Variants in PAK5 observed in about 807,000 individuals in gnomAD.
The protein encoded by PAK5 is serine/threonine-protein kinase PAK 5.
A neutral mutation model predicts 65.9 loss-of-function variants in PAK5; 16 were observed. The observed-to-expected ratio is 0.24, with a 90% confidence interval of 0.16 to 0.37. The LOEUF (loss-of-function observed/expected upper bound fraction) is 0.37, where lower values mean the gene tolerates loss of function less well. Among genes scored for constraint, PAK5 ranks in the 10% least tolerant of loss-of-function variants. The pLI is 1.00. For synonymous variants in PAK5, 371 were observed against 354.9 expected (o/e 1.05, Z -0.51); for missense variants, 785 against 903.9 (o/e 0.87, Z 1.69).
chr20:9,682,032 T>C (rs1256328137), intron 2 of PAK5, among the ~76,000 whole-genome samples: 1 of 152,172 alleles, frequency 6.6e-6, no homozygotes, highest in Non-Finnish European at 1.5e-5. Context: ...TTTGACAATT[T>C]ATTTTGAAGC....
chr20:9,791,803 C>T (rs994120177), intron 1 of PAK5, among the ~76,000 whole-genome samples: 5 of 152,122 alleles, frequency 3.3e-5, no homozygotes, highest in African/African-American at 1.2e-4. Context: ...CTCATAGAGG[C>T]AACAGTCCCA....
chr20:9,593,879 A>C (rs73895917), intron 3 of PAK5, among the ~76,000 whole-genome samples: 7,130 of 151,706 alleles, frequency 0.047, 535 homozygotes, highest in African/African-American at 0.16. Context: ...AGATGTGTTC[A>C]CATTTAAAAT....
chr20:9,681,679 C>A (rs2047651951), intron 2 of PAK5, among the ~76,000 whole-genome samples: 1 of 152,150 alleles, frequency 6.6e-6, no homozygotes, highest in Admixed American at 6.5e-5. Context: ...TTCATACTAT[C>A]TTTTGTAATT....
intron 1 of PAK5, among the ~76,000 whole-genome samples, chr20:9,748,847 A>G (rs906258318): frequency 6.6e-6 from 1 of 152,110 alleles, no homozygotes; most frequent in Non-Finnish European, 1.5e-5. Context: ...TGAATGAGAA[A>G]CTTATTTAAT....
intron 1 of PAK5, among the ~76,000 whole-genome samples, chr20:9,714,884 A>G (rs2048123554): frequency 6.6e-6 from 1 of 152,196 alleles, no homozygotes; most frequent in South Asian, 2.1e-4. Context: ...CACCTTATAC[A>G]AAAATTAATT....
intron 3 of PAK5, among the ~76,000 whole-genome samples, chr20:9,631,147 T>C (rs575379196): frequency 3.9e-5 from 6 of 152,290 alleles, no homozygotes; most frequent in Non-Finnish European, 7.4e-5. Context: ...GGGAGTGACA[T>C]TGGGAACGAG....
chr20:9,582,638 C>G (rs1002390389), intron 3 of PAK5, among the ~76,000 whole-genome samples: 1 of 152,024 alleles, frequency 6.6e-6, no homozygotes, highest in Non-Finnish European at 1.5e-5. Context: ...GTAAGTGTAG[C>G]GTCTACTCAA....
At chr20:9,620,473 G>A (rs2046748377) in intron 3 of PAK5, among the ~76,000 whole-genome samples, 2 of 152,162 alleles carry the variant, frequency 1.3e-5, no homozygotes, top group Admixed American at 1.3e-4. Flanking sequence ...ATGGCGTCTG[G>A]GGCTGATGGG....
chr20:9,562,353 C>G (rs1259329105), intron 6 of PAK5, among the ~76,000 whole-genome samples: 1 of 152,204 alleles, frequency 6.6e-6, no homozygotes, highest in African/African-American at 2.4e-5. Context: ...AATGAAATGG[C>G]TGGAACTGGC....
intron 2 of PAK5, among the ~76,000 whole-genome samples, chr20:9,671,171 C>T (rs1338247555): frequency 1.3e-5 from 2 of 152,192 alleles, no homozygotes; most frequent in African/African-American, 4.8e-5. Flanking sequence ...GTTTGGGTTA[C>T]TGTAGCCTTG....
rs1001252638 is a variant in PAK5 at position 9,654,836 on chromosome 20, C to T, written c.-11-10497G>A. ...TCTCCCTCCCCTGCCTGTCTCCACCCTCTCATCTTGACCCTCACCCAAAGT... is the reference window on the plus strand; with the variant it reads ...TCTCCCTCCCCTGCCTGTCTCCACCTTCTCATCTTGACCCTCACCCAAAGT... On this transcript the variant is annotated intron_variant, in intron 2 of 9. Coordinates refer to ENST00000353224, the MANE Select transcript of PAK5 (RefSeq NM_177990.4). Among the ~76,000 whole-genome samples, 45 of 152,288 alleles carry T rather than the reference C, an allele frequency of 3.0e-4. 1 individual carries two copies.
intron 6 of PAK5, among the ~76,000 whole-genome samples, chr20:9,559,190 C>T (rs1020861539): frequency 1.2e-4 from 18 of 152,164 alleles, no homozygotes; most frequent in Non-Finnish European, 2.6e-4. Context: ...TCTTCCCTAT[C>T]CCATGTTAAA....
At chr20:9,663,311 G>A (rs192436089) in intron 2 of PAK5, among the ~76,000 whole-genome samples, 158 of 152,184 alleles carry the variant, frequency 1.0e-3, no homozygotes, top group Admixed American at 1.6e-3. Flanking sequence ...AAATAACATC[G>A]AGGAAGGAAA....
chr20:9,771,738 T>C (rs769747400), intron 1 of PAK5, among the ~76,000 whole-genome samples: 6 of 152,074 alleles, frequency 3.9e-5, no homozygotes, highest in Admixed American at 1.3e-4. Flanking sequence ...TTCAAATATT[T>C]TTAAAATAAA....
chr20:9,590,634 A>C (rs1380736739), intron 3 of PAK5, among the ~76,000 whole-genome samples: 5 of 151,930 alleles, frequency 3.3e-5, no homozygotes, highest in Non-Finnish European at 7.4e-5. Context: ...AAAAAAAAAA[A>C]AGAAATAAGC....
chr20:9,746,251 T>C (rs1339451640), intron 1 of PAK5, among the ~76,000 whole-genome samples: 1 of 152,124 alleles, frequency 6.6e-6, no homozygotes, highest in African/African-American at 2.4e-5. Context: ...CGCTTTCCCA[T>C]TGAGGGCTGC....
chr20:9,786,342 A>G (rs190698073), intron 1 of PAK5, among the ~76,000 whole-genome samples: 31 of 152,216 alleles, frequency 2.0e-4, no homozygotes, highest in African/African-American at 7.0e-4. Context: ...GAAGTGCTCA[A>G]CAAACATTTA....
rs2123020316 is a variant in PAK5 at position 9,580,943 on chromosome 20, G to A, written c.205-13C>T. On this transcript the variant is annotated splice_polypyrimidine_tract_variant and intron_variant, in intron 3 of 9. Coordinates refer to ENST00000353224, the MANE Select transcript of PAK5 (RefSeq NM_177990.4). ...CTCTAACGATTGTCTGGGAATAATA[G>A]AGGGAATATTGTTTAAAGAAAATAT... 2.0e-6 allele frequency: 3 copies of A among 1,536,046 alleles called. No individual in the cohort carries two copies. The highest frequency in any genetic ancestry group is 1.8e-6 in the Non-Finnish European group (2 of 1,138,560).
chr20:9,821,478 C>T (rs1295654334), intron 1 of PAK5, among the ~76,000 whole-genome samples: 1 of 152,158 alleles, frequency 6.6e-6, no homozygotes, highest in Non-Finnish European at 1.5e-5. Context: ...TTGTAGCCTG[C>T]CTAACCTGAG....
Sources: allele counts gnomAD v4.1 joint callset (sites outside exome capture counted in the v4.1 genomes callset), GRCh38; gene constraint gnomAD v4.1.1; transcripts MANE v1.5; gene names NCBI Gene and HGNC (gene_info 2026-07-23, HGNC 2026-07-21).